The following BCL2A1 variants were observed in gnomAD, a reference collection of about 807,000 sequenced individuals.
BCL2A1 encodes BCL2 related protein A1.
BCL2A1 carries 10 observed loss-of-function variants against 14.4 expected under a neutral mutation model. The observed-to-expected ratio is 0.69, with a 90% CI of 0.43 to 1.18. BCL2A1 has a LOEUF of 1.18. Ranked by LOEUF, BCL2A1 falls within the 50% of genes most tolerant of loss-of-function variation. The pLI is 0.00. For synonymous variants in BCL2A1, 71 were observed against 76.5 expected (o/e 0.93, Z 0.38); for missense variants, 158 against 205.0 (o/e 0.77, Z 1.40).
intron 1 of BCL2A1, among the ~76,000 whole-genome samples, chr15:79,964,485 A>G (rs1040006015): frequency 6.6e-6 from 1 of 152,134 alleles, no homozygotes; most frequent in Non-Finnish European, 1.5e-5. Context: ...AAACAAACAA[A>G]CAAAATACAC....
rs773819578 is a variant in BCL2A1, at chr15:79,970,877, G to A, written c.243C>T (p.Asp81=). 8.7e-6 allele frequency: 14 copies of A among 1,614,212 alleles called. No individual in the cohort carries two copies. The highest frequency in any genetic ancestry group is 5.9e-6 in the Non-Finnish European group (7 of 1,180,034). Residue 81 remains aspartate (D), a synonymous_variant, in exon 1 of 2, where the codon GAC becomes GAT. Transcript: ENST00000267953. ...CAATTCTTCCCCAGTTAATGATGCC[G>A]TCTTCAAACTCCTTTTCCATCACTT... ...FNQVMEKEFE[D]GIINWGRIVT... is the part of the protein sequence containing the mutation.
At chr15:79,962,913 A>G (rs1470133117) in intron 1 of BCL2A1, among the ~76,000 whole-genome samples, 1 of 152,074 alleles carries the variant, frequency 6.6e-6, no homozygotes, top group African/African-American at 2.4e-5. Flanking sequence ...ATCACCTTAT[A>G]TACATCAATG....
intron 1 of BCL2A1, among the ~76,000 whole-genome samples, chr15:79,965,191 G>A (rs938917132): frequency 2.0e-5 from 3 of 152,016 alleles, no homozygotes; most frequent in Admixed American, 6.6e-5. Flanking sequence ...GCAGTGGCAC[G>A]ATCTCACCTC....
chr15:79,961,602 GT>G (rs1046588599), intron 1 of BCL2A1, among the ~76,000 whole-genome samples: 11 of 151,216 alleles, frequency 7.3e-5, no homozygotes, highest in African/African-American at 2.7e-4. Flanking sequence ...TTTTTTTCTC[GT>G]TCTTGTTCAA....
rs779720922 is a variant in BCL2A1, at chr15:79,961,020, A to T, written c.*47T>A. The T allele has an allele frequency of 2.5e-6, 4 of 1,608,620 alleles. No individual in the cohort carries two copies. The highest frequency in any genetic ancestry group is 1.7e-5 in the Admixed American group (1 of 59,800). ...ATGTGTTGGCAATCGTTTCCATATC[A>T]GTCAGAAAAATTAGGCCGGTTTCAC... On this transcript the variant is annotated 3_prime_UTR_variant, in exon 2 of 2. Coordinates refer to ENST00000267953, the MANE Select transcript of BCL2A1 (RefSeq NM_004049.4).
intron 1 of BCL2A1, among the ~76,000 whole-genome samples, chr15:79,964,098 T>C (rs1355220730): frequency 1.3e-5 from 2 of 152,216 alleles, no homozygotes; most frequent in African/African-American, 4.8e-5. Flanking sequence ...ATGCTATTTG[T>C]ATCTTAAAAC....
At chr15:79,967,084 A>C (rs935767533) in intron 1 of BCL2A1, among the ~76,000 whole-genome samples, 1 of 152,140 alleles carries the variant, frequency 6.6e-6, no homozygotes, top group African/African-American at 2.4e-5. Context: ...GTTTTTACAG[A>C]TGAGGAAACA....
intron 1 of BCL2A1, chr15:79,967,519 A>T: frequency 8.7e-7 from 1 of 1,143,800 alleles, no homozygotes; most frequent in Non-Finnish European, 1.2e-6. Flanking sequence ...CCCGGCACAT[A>T]CCGCATTGTT....
At chr15:79,964,402 G>A (rs961999752) in intron 1 of BCL2A1, among the ~76,000 whole-genome samples, 7 of 152,120 alleles carry the variant, frequency 4.6e-5, no homozygotes, top group African/African-American at 1.2e-4. Flanking sequence ...CCTGGAGGTC[G>A]AGGCTGCAGT....
chr15:79,965,056 T>A (rs1466275449), intron 1 of BCL2A1, among the ~76,000 whole-genome samples: 2 of 152,210 alleles, frequency 1.3e-5, no homozygotes, highest in East Asian at 3.8e-4. Context: ...GATTTTGTGC[T>A]TTTGTTCCCA....
chr15:79,969,482 A>G (rs966716151), intron 1 of BCL2A1, among the ~76,000 whole-genome samples: 5 of 152,232 alleles, frequency 3.3e-5, no homozygotes, highest in African/African-American at 9.7e-5. Context: ...AGAAATGGCC[A>G]GGTACTCTAC....
rs1299649155 is a variant in BCL2A1, at chr15:79,971,141, A to T, written c.-22T>A. On this transcript the variant is annotated 5_prime_UTR_variant, in exon 1 of 2. Transcript: ENST00000267953. ...TCATCTTCTGCCTGGTGGAGAGCAA[A>T]GTCTTGAGCTGGCTCACCTTGAAGC... The T allele has an allele frequency of 1.2e-6, 2 of 1,604,980 alleles. No individual in the cohort carries two copies. Among genetic ancestry groups the T allele is most frequent in the South Asian group, 2.2e-5 (2 of 90,538 alleles).
chr15:79,966,791 A>G lies in BCL2A1; in HGVS notation c.420+3909T>C, dbSNP rs1157055068. Among the ~76,000 whole-genome samples, 5 of 151,076 alleles carry G rather than the reference A, an allele frequency of 3.3e-5. No homozygotes were observed. In the South Asian group the frequency reaches 6.5e-4, roughly 20 times the overall value. ...ACAAAAAGAGAGATGAGAAGCCACA[A>G]ACAAAAGAAGGCAGGAAGGCAGGAA... On this transcript the variant is annotated intron_variant, in intron 1 of 1. Coordinates refer to ENST00000267953, the MANE Select transcript of BCL2A1 (RefSeq NM_004049.4).
At chr15:79,964,936 C>T (rs961378200) in intron 1 of BCL2A1, among the ~76,000 whole-genome samples, 1 of 152,110 alleles carries the variant, frequency 6.6e-6, no homozygotes, top group African/African-American at 2.4e-5. Context: ...GTGGAATGTG[C>T]TTAGCTTATC....
intron 1 of BCL2A1, among the ~76,000 whole-genome samples, chr15:79,969,951 A>G (rs568744183): frequency 6.6e-6 from 1 of 152,312 alleles, no homozygotes; most frequent in East Asian, 1.9e-4. Context: ...AACCATATAC[A>G]TCCAGCTGTG....
intron 1 of BCL2A1, among the ~76,000 whole-genome samples, chr15:79,968,237 T>C (rs913618518): frequency 2.0e-5 from 3 of 152,214 alleles, no homozygotes; most frequent in Admixed American, 1.3e-4. Flanking sequence ...CAAACCCAAA[T>C]AGAGCCTGCA....
chr15:79,971,030 T>C lies in BCL2A1; in HGVS notation c.90A>G (p.Pro30=). 1.9e-6 allele frequency: 3 copies of C among 1,614,236 alleles called. No homozygotes were observed. Among genetic ancestry groups the C allele is most frequent in the Non-Finnish European group, 2.5e-6 (3 of 1,180,032 alleles). ...TTTGTAGCACTCTGGACGTTTTGCT[T>C]GGACCTGATCCAGGTTGTGGTATCT... is the stretch of plus-strand genomic sequence containing the variant. ...VLQIPQPGSG[P]SKTSRVLQNV... The change falls in exon 1 of 2, where the codon CCA becomes CCG. Residue 30 remains proline (P), a synonymous_variant. Transcript: ENST00000267953.
chr15:79,967,630 C>T, intron 1 of BCL2A1: 1 of 1,597,196 alleles, frequency 6.3e-7, no homozygotes, highest in Non-Finnish European at 8.6e-7. Flanking sequence ...GCCTTCTCTA[C>T]TCTTACCTCT....
In BCL2A1 at chr15:79,961,181, A is replaced by G. The variant is rs1203646621; in HGVS notation, c.421-7T>C. On this transcript the variant is annotated splice_polypyrimidine_tract_variant and splice_region_variant and intron_variant, in intron 1 of 1. Transcript: ENST00000267953. ...TCTTTACAAAGCCATTTTCCTATAA[A>G]AGAATAAATTTAACACTTTAAACAT... 3 of 1,610,298 alleles carry G rather than the reference A, an allele frequency of 1.9e-6. No individual in the cohort carries two copies. The highest frequency in any genetic ancestry group is 2.5e-6 in the Non-Finnish European group (3 of 1,176,980).
Sources: gnomAD v4.1 joint callset for allele counts (sites outside exome capture counted in the v4.1 genomes callset) on GRCh38, gnomAD v4.1.1 for gene constraint, MANE v1.5 for transcripts, NCBI Gene and HGNC (gene_info 2026-07-23, HGNC 2026-07-21) for gene names.